The following SRSF4 variants were observed in gnomAD, a reference collection of about 807,000 sequenced individuals.
The protein encoded by SRSF4 is serine/arginine-rich splicing factor 4.
SRSF4 carries 12 observed loss-of-function variants against 48.8 expected under a neutral mutation model. The observed-to-expected ratio is 0.25, with a 90% CI of 0.16 to 0.40. The LOEUF (loss-of-function observed/expected upper bound fraction) is 0.40, where lower values mean the gene tolerates loss of function less well. Ranked by LOEUF, SRSF4 falls within the 10% of genes least tolerant of loss-of-function variation. The probability of loss-of-function intolerance (pLI) is 1.00; values close to 1 mark genes in which losing one functional copy is unlikely to be tolerated. For missense variants in SRSF4, 466 were observed against 667.1 expected, an observed-to-expected ratio of 0.70 and a Z score of 3.32; for synonymous variants, 248 against 232.5, an observed-to-expected ratio of 1.07 and a Z score of -0.61.
chr1:29,164,096 C>A (rs138356275), intron 1 of SRSF4, among the ~76,000 whole-genome samples: 1 of 152,180 alleles, frequency 6.6e-6, no homozygotes, highest in African/African-American at 2.4e-5. Flanking sequence ...AGGGATCCTG[C>A]GGCTTCAGCC....
At position 29,168,191 on chromosome 1, in the gene SRSF4, AT is replaced by A. The variant is rs57242686; in HGVS notation, c.108-7675del. 9.5e-3 allele frequency among the ~76,000 whole-genome samples: 1,284 copies of A among 134,954 alleles called. 6 individuals carry two copies. Among genetic ancestry groups the A allele is most frequent in the Middle Eastern group, 0.051 (13 of 256 alleles). The allele number at this position is 134,954 out of a possible 152,430, so 88.5% of individuals were successfully genotyped here. A position where few individuals can be genotyped will look rare whatever the true frequency, so the allele number is the denominator to read the frequency against. ...CACCATGCCCGGCAAATTTTTTGTA[AT>A]TTTTTTTTTTTTTTTTTTAGGAGAG... On this transcript the variant is annotated intron_variant, in intron 1 of 5. Transcript: ENST00000373795.
chr1:29,152,251 G>T (rs1672421595), intron 4 of SRSF4, among the ~76,000 whole-genome samples: 1 of 152,206 alleles, frequency 6.6e-6, no homozygotes, highest in Admixed American at 6.6e-5. Flanking sequence ...GTTGCAGATG[G>T]AATGATAGAT....
chr1:29,181,597 C>T lies in SRSF4; in HGVS notation c.107+49G>A, dbSNP rs780780348. 7.5e-5 allele frequency: 112 copies of T among 1,502,324 alleles called. 8 individuals are homozygous for T. The South Asian group carries it at 1.2e-3, about 16-fold the overall frequency. The allele number at this position is 1,502,324 out of a possible 1,614,324, so 93.1% of individuals were successfully genotyped here. A position where few individuals can be genotyped will look rare whatever the true frequency, so the allele number is the denominator to read the frequency against. ...TCCCGTCCCCGCGGCCTCCCCACCA[C>T]CTATGGGGTCTGTCCCCGCCCGGCC... On this transcript the variant is annotated intron_variant, in intron 1 of 5. Coordinates refer to ENST00000373795, the MANE Select transcript of SRSF4 (RefSeq NM_005626.5).
chr1:29,150,710 G>A (rs1396420584), intron 4 of SRSF4, among the ~76,000 whole-genome samples: 2 of 152,134 alleles, frequency 1.3e-5, no homozygotes, highest in East Asian at 1.9e-4. Context: ...AACTGTCCCC[G>A]ATGCCGGCTC....
Position 29,148,041 on chromosome 1 carries a change from CAATTCAAGAGCAA to C in SRSF4, c.*356_*368del, listed in dbSNP as rs989051262. 1.5e-5 allele frequency: 7 copies of C among 475,972 alleles called. No homozygotes were observed. Among genetic ancestry groups the C allele is most frequent in the African/African-American group, 1.4e-4 (7 of 50,938 alleles). 29.5% of individuals were successfully genotyped at this position (475,972 alleles called of 1,614,324 possible). ...CTAAATGGCATACATCGAAGGGCAT[CAATTCAAGAGCAA>C]AAATGGTTGAACTCACCATACCTAC... On this transcript the variant is annotated 3_prime_UTR_variant, in exon 6 of 6. Coordinates refer to ENST00000373795, the MANE Select transcript of SRSF4 (RefSeq NM_005626.5).
At chr1:29,153,600 ATT>A (rs113402257) in intron 4 of SRSF4, among the ~76,000 whole-genome samples, 24 of 132,988 alleles carry the variant, frequency 1.8e-4, no homozygotes, top group Non-Finnish European at 1.6e-4. Context: ...TCTGATTTCC[ATT>A]TTTTTTTTTT....
chr1:29,154,294 C>T (rs1672464956), intron 4 of SRSF4, among the ~76,000 whole-genome samples: 2 of 152,162 alleles, frequency 1.3e-5, no homozygotes, highest in South Asian at 4.1e-4. Flanking sequence ...CGACTCCTGA[C>T]ATCAGGTGAT....
intron 2 of SRSF4, 24 bp downstream of exon 2, chr1:29,160,351 A>G (rs532528557): frequency 1.9e-6 from 3 of 1,592,858 alleles, no homozygotes; most frequent in East Asian, 4.6e-5. Context: ...GTTACTGATA[A>G]AAGTATGCCC....
intron 4 of SRSF4, among the ~76,000 whole-genome samples, chr1:29,150,559 C>T (rs138431509): frequency 4.1e-4 from 62 of 152,212 alleles, no homozygotes; most frequent in Non-Finnish European, 6.0e-4. Context: ...CCACCGTACC[C>T]GGCCAAGATT....
intron 3 of SRSF4, 34 bp from the exon 4 acceptor site, chr1:29,154,944 T>C (rs1446350541): frequency 1.3e-6 from 2 of 1,572,978 alleles, no homozygotes; most frequent in Non-Finnish European, 1.7e-6. Context: ...TACATTAGGA[T>C]ATGTTTTGCT....
chr1:29,159,632 A>G (rs1672562030), intron 2 of SRSF4, 146 bp from the exon 3 acceptor site: 1 of 472,120 alleles, frequency 2.1e-6, no homozygotes, highest in East Asian at 3.2e-5. Flanking sequence ...TAATTCTAAA[A>G]TAGATTTTTA....
At chr1:29,153,475 A>G (rs1294164970) in intron 4 of SRSF4, among the ~76,000 whole-genome samples, 1 of 151,732 alleles carries the variant, frequency 6.6e-6, no homozygotes, top group Admixed American at 6.6e-5. Flanking sequence ...AGCCTTTCCA[A>G]TGCTTAGCCC....
intron 1 of SRSF4, among the ~76,000 whole-genome samples, chr1:29,163,902 A>ATCATT (rs1162804779): frequency 6.6e-6 from 1 of 152,206 alleles, no homozygotes; most frequent in African/African-American, 2.4e-5. Context: ...GCAAATTTAA[A>ATCATT]TCATTTTATT....
intron 1 of SRSF4, chr1:29,169,792 G>C (rs1195561372): frequency 1.3e-5 from 2 of 152,124 alleles, no homozygotes; most frequent in Non-Finnish European, 2.9e-5. Context: ...TATTCACATA[G>C]TAGGGTGAGA....
Position 29,181,632 on chromosome 1 carries a change from T to C in SRSF4, c.107+14A>G. 1 of 1,575,872 alleles carries C rather than the reference T, an allele frequency of 6.3e-7. No individual in the cohort carries two copies. Among genetic ancestry groups the C allele is most frequent in the Non-Finnish European group, 8.6e-7 (1 of 1,162,022 alleles). ...CTGTCCCCGCCCGGCCGGACCCTCT[T>C]TCGCCCTCCTCACCCGTTCTTCAGA... On this transcript the variant is annotated intron_variant, in intron 1 of 5. Coordinates refer to ENST00000373795, the MANE Select transcript of SRSF4 (RefSeq NM_005626.5).
At chr1:29,178,063 C>A (rs1251156179) in intron 1 of SRSF4, among the ~76,000 whole-genome samples, 1 of 151,760 alleles carries the variant, frequency 6.6e-6, no homozygotes, top group Non-Finnish European at 1.5e-5. Flanking sequence ...CCACACCCAG[C>A]TAATCTTTGT....
chr1:29,180,657 T>A (rs1410620464), intron 1 of SRSF4, among the ~76,000 whole-genome samples: 2 of 152,212 alleles, frequency 1.3e-5, no homozygotes, highest in East Asian at 3.8e-4. Flanking sequence ...TGCCCTAAAA[T>A]GTCACCCCAG....
At chr1:29,177,269 C>G (rs1558394551) in intron 1 of SRSF4, among the ~76,000 whole-genome samples, 2 of 150,748 alleles carry the variant, frequency 1.3e-5, no homozygotes, top group Non-Finnish European at 2.9e-5. Flanking sequence ...CCCTTCCCTA[C>G]AGTAACTCTT....
chr1:29,158,532 C>T (rs908002027), intron 3 of SRSF4, among the ~76,000 whole-genome samples: 6 of 151,742 alleles, frequency 4.0e-5, no homozygotes, highest in Non-Finnish European at 5.9e-5. Context: ...CAGGTTCAAG[C>T]AATTCTCTTG....
Sources: allele counts gnomAD v4.1 joint callset (sites outside exome capture counted in the v4.1 genomes callset), GRCh38; gene constraint gnomAD v4.1.1; transcripts MANE v1.5; gene names NCBI Gene and HGNC (gene_info 2026-07-23, HGNC 2026-07-21).